RIMKLB: variants seen among roughly 807,000 people sequenced by gnomAD.
The protein encoded by RIMKLB is beta-citrylglutamate synthase B.
In RIMKLB, 7 loss-of-function variants were observed where a neutral mutation model predicts 32.0. That is an observed-to-expected ratio of 0.22 (90% confidence interval 0.12 to 0.41). The LOEUF (loss-of-function observed/expected upper bound fraction) is 0.41, where lower values mean the gene tolerates loss of function less well. Ranked by LOEUF, RIMKLB falls within the 10% of genes least tolerant of loss-of-function variation. The pLI, the probability that RIMKLB is intolerant of heterozygous loss-of-function variation, is 1.00. For missense variants in RIMKLB, 289 were observed against 498.7 expected, an observed-to-expected ratio of 0.58 and a Z score of 4.00; for synonymous variants, 172 against 185.1, an observed-to-expected ratio of 0.93 and a Z score of 0.57.
the RIMKLB span, among the ~76,000 whole-genome samples, chr12:8,673,703 C>A: frequency 3.3e-5 from 5 of 151,830 alleles, no homozygotes; most frequent in Non-Finnish European, 5.9e-5. Flanking sequence ...TCAAGAAATT[C>A]TTCTACCTTA....
intron 2 of RIMKLB, among the ~76,000 whole-genome samples, chr12:8,722,991 C>A (rs920060253): frequency 9.2e-5 from 14 of 152,222 alleles, no homozygotes; most frequent in African/African-American, 3.4e-4. Context: ...AAAACTTTCT[C>A]CATATCACCA....
At chr12:8,747,142 G>C (rs930719495) in intron 2 of RIMKLB, among the ~76,000 whole-genome samples, 1 of 152,158 alleles carries the variant, frequency 6.6e-6, no homozygotes, top group African/African-American at 2.4e-5. Flanking sequence ...GGGAAGAATT[G>C]AAAGATGGGA....
chr12:8,777,259 CAA>C (rs1246196313), downstream of RIMKLB: 58 of 332,580 alleles, frequency 1.7e-4, no homozygotes, highest in Non-Finnish European at 1.9e-4. Flanking sequence ...AAAAACAAAA[CAA>C]AGTTTCATTT....
chr12:8,675,892 A>C, the RIMKLB span, among the ~76,000 whole-genome samples: 1 of 152,084 alleles, frequency 6.6e-6, no homozygotes, highest in South Asian at 2.1e-4. Flanking sequence ...ATCTGTAACA[A>C]AGGTCATTAA....
downstream of RIMKLB, chr12:8,777,215 C>CTTTTT (rs35828763): frequency 0.01 from 7,043 of 699,894 alleles, 22 homozygotes; most frequent in Admixed American, 0.04. Context: ...TGCTTGCTTT[C>CTTTTT]TTTTTTTTTT....
chr12:8,680,164 A>AT (rs957769559), upstream of RIMKLB, among the ~76,000 whole-genome samples: 226 of 148,576 alleles, frequency 1.5e-3, 1 homozygote, highest in East Asian at 3.9e-3. Flanking sequence ...GCCACGCCTT[A>AT]TTTTTTTTTT....
intron 2 of RIMKLB, among the ~76,000 whole-genome samples, chr12:8,718,303 C>T (rs1945058436): frequency 6.6e-6 from 1 of 152,002 alleles, no homozygotes; most frequent in African/African-American, 2.4e-5. Context: ...AAAATATTTC[C>T]AGTTTTATGC....
upstream of RIMKLB, chr12:8,697,973 G>C (rs1942987226): frequency 6.3e-6 from 1 of 159,176 alleles, no homozygotes; most frequent in African/African-American, 2.5e-5. Flanking sequence ...CTGTGTGTGA[G>C]CGGGGTCGCG....
chr12:8,724,265 G>A (rs115815074), intron 2 of RIMKLB, among the ~76,000 whole-genome samples: 1 of 152,118 alleles, frequency 6.6e-6, no homozygotes, highest in African/African-American at 2.4e-5. Context: ...GATTTTTAAA[G>A]ATGATTCTCT....
Position 8,776,983 on chromosome 12 carries a change from A to G in RIMKLB, c.*3199A>G. 2 of 985,798 alleles carry G rather than the reference A, an allele frequency of 2.0e-6. No homozygotes were observed. The highest frequency in any genetic ancestry group is 2.4e-6 in the Non-Finnish European group (2 of 829,918). 61.1% of individuals were successfully genotyped at this position (985,798 alleles called of 1,614,324 possible). On this transcript the variant is annotated 3_prime_UTR_variant, in exon 6 of 6. Transcript: ENST00000535829. ...ATTGTGAAATCAAATCTTGTGTTATACTTTTCTCCTGGCTCACTTTTTTTG... is the reference window on the plus strand; with the variant it reads ...ATTGTGAAATCAAATCTTGTGTTATGCTTTTCTCCTGGCTCACTTTTTTTG...
downstream of RIMKLB, chr12:8,777,485 A>C: frequency 8.9e-7 from 1 of 1,122,022 alleles, no homozygotes; most frequent in South Asian, 2.1e-5. Context: ...AATTCTTTCT[A>C]TATTAATGAA....
At chr12:8,699,002 C>T (rs1391756081) in intron 1 of RIMKLB, among the ~76,000 whole-genome samples, 2 of 152,046 alleles carry the variant, frequency 1.3e-5, no homozygotes, top group Non-Finnish European at 2.9e-5. Context: ...TTCAATCTCC[C>T]CTTATTAATA....
downstream of RIMKLB, chr12:8,777,277 A>T: frequency 1.0e-6 from 1 of 954,388 alleles, no homozygotes; most frequent in Non-Finnish European, 1.2e-6. Flanking sequence ...CATTTAAAAT[A>T]CATTTAGGCA....
Position 8,773,820 on chromosome 12 carries a change from ACTTT to A in RIMKLB, c.*44_*47del, listed in dbSNP as rs200833089. The A allele has an allele frequency of 2.3e-3, 3,644 of 1,558,914 alleles. 40 individuals carry two copies. In the African/African-American group the frequency reaches 0.032, roughly 14 times the overall value. The stretch of plus-strand genomic sequence containing the variant: ...AATTAACCAACAAAACCCTTGTAAA[ACTTT>A]CTTTCTTCTTTTCTATTTTTAAAAC... On this transcript the variant is annotated 3_prime_UTR_variant, in exon 6 of 6. Coordinates refer to ENST00000535829, the MANE Select transcript of RIMKLB (RefSeq NM_001297776.2).
upstream of RIMKLB, among the ~76,000 whole-genome samples, chr12:8,693,639 C>T (rs937978097): frequency 1.3e-5 from 2 of 151,950 alleles, no homozygotes; most frequent in Non-Finnish European, 2.9e-5. Flanking sequence ...CTTAGGTGAT[C>T]CGCCCACCTC....
the RIMKLB span, among the ~76,000 whole-genome samples, chr12:8,672,711 T>C: frequency 6.6e-6 from 1 of 152,036 alleles, no homozygotes; most frequent in Non-Finnish European, 1.5e-5. Context: ...AACCAAACCA[T>C]ATCAGTTCTC....
chr12:8,688,983 C>T (rs1446180830), intron 1 of RIMKLB, among the ~76,000 whole-genome samples: 2 of 151,968 alleles, frequency 1.3e-5, no homozygotes, highest in African/African-American at 4.8e-5. Flanking sequence ...TACAGGTGCC[C>T]GACACCACAC....
At chr12:8,730,694 T>G (rs370526447) in intron 2 of RIMKLB, among the ~76,000 whole-genome samples, 17 of 152,268 alleles carry the variant, frequency 1.1e-4, no homozygotes, top group African/African-American at 3.1e-4. Context: ...AGGGCAAGGG[T>G]GAATAAAATA....
chr12:8,773,090 A>G (rs905329223), intron 5 of RIMKLB, among the ~76,000 whole-genome samples: 3 of 152,180 alleles, frequency 2.0e-5, no homozygotes, highest in African/African-American at 2.4e-5. Flanking sequence ...CAAGTAAGAT[A>G]GACTTGGAAA....
Sources: allele counts gnomAD v4.1 joint callset (sites outside exome capture counted in the v4.1 genomes callset), GRCh38; gene constraint gnomAD v4.1.1; transcripts MANE v1.5; gene names NCBI Gene and HGNC (gene_info 2026-07-23, HGNC 2026-07-21).